Variants in PDGFRL observed in about 807,000 individuals in gnomAD.
PDGFRL encodes platelet-derived growth factor receptor-like protein.
Under a neutral mutation model 37.2 loss-of-function variants are expected in PDGFRL, and 46 were observed. That is an observed-to-expected ratio of 1.24 (90% CI 0.98 to 1.58). The LOEUF (loss-of-function observed/expected upper bound fraction) is 1.58, where lower values mean the gene tolerates loss of function less well. PDGFRL is among the 40% of genes most tolerant of loss of function. PDGFRL has a pLI of 0.00. For synonymous variants in PDGFRL, 251 were observed against 184.3 expected (o/e 1.36, Z -2.93); for missense variants, 692 against 467.6 (o/e 1.48, Z -4.43).
At chr8:17,634,301 G>A in intron 5 of PDGFRL, 88 bp downstream of exon 5, 1 of 1,020,972 alleles carries the variant, frequency 9.8e-7, no homozygotes, top group Non-Finnish European at 1.5e-6. Flanking sequence ...TCCCCACCCA[G>A]TGCTATATGC....
intron 2 of PDGFRL, among the ~76,000 whole-genome samples, chr8:17,602,431 G>C (rs1335842856): frequency 1.3e-5 from 2 of 152,160 alleles, no homozygotes; most frequent in South Asian, 2.1e-4. Context: ...TCAGATCACA[G>C]TACACTCTCG....
At chr8:17,578,015 G>A (rs1803624989) in intron 1 of PDGFRL, among the ~76,000 whole-genome samples, 1 of 151,678 alleles carries the variant, frequency 6.6e-6, no homozygotes, top group Non-Finnish European at 1.5e-5. Flanking sequence ...ACCCTGTCGT[G>A]TACACCCGTG....
At chr8:17,599,272 T>A (rs2517167) in intron 2 of PDGFRL, among the ~76,000 whole-genome samples, 119,337 of 152,092 alleles carry the variant, frequency 0.78, 47,337 homozygotes, top group East Asian at 0.89. Flanking sequence ...ATTTGCATAT[T>A]TGTTATCTTT....
chr8:17,604,470 C>G (rs1406864211), intron 2 of PDGFRL, among the ~76,000 whole-genome samples: 1 of 151,768 alleles, frequency 6.6e-6, no homozygotes, highest in African/African-American at 2.4e-5. Context: ...TCATTCTCAG[C>G]AAACTGTCGT....
At chr8:17,596,381 A>G (rs1804053129) in intron 2 of PDGFRL, 3 of 1,131,566 alleles carry the variant, frequency 2.7e-6, no homozygotes, top group East Asian at 6.0e-5. Context: ...CCTGCCTCCA[A>G]TACCACGTAC....
chr8:17,633,352 C>T (rs1804900787), intron 4 of PDGFRL, among the ~76,000 whole-genome samples: 1 of 152,096 alleles, frequency 6.6e-6, no homozygotes, highest in African/African-American at 2.4e-5. Flanking sequence ...CTCCAGGATG[C>T]AGGAGTTTGA....
chr8:17,587,464 A>C (rs1279720042), intron 1 of PDGFRL, among the ~76,000 whole-genome samples: 1 of 152,132 alleles, frequency 6.6e-6, no homozygotes, highest in Non-Finnish European at 1.5e-5. Flanking sequence ...CTTAATCCAG[A>C]GGTTCATTAA....
chr8:17,594,157 G>T (rs1234102802), intron 2 of PDGFRL, among the ~76,000 whole-genome samples: 2 of 151,776 alleles, frequency 1.3e-5, no homozygotes, highest in African/African-American at 4.8e-5. Flanking sequence ...CCCACAGCAT[G>T]ATGTCCTCAA....
intron 2 of PDGFRL, among the ~76,000 whole-genome samples, chr8:17,602,827 T>C (rs1296390595): frequency 6.6e-6 from 1 of 152,164 alleles, no homozygotes; most frequent in African/African-American, 2.4e-5. Flanking sequence ...CTATCACCAG[T>C]AAATGAAGAA....
chr8:17,576,896 C>G (rs555400933), upstream of PDGFRL: 1 of 285,736 alleles, frequency 3.5e-6, no homozygotes, highest in East Asian at 7.8e-5. Context: ...AAAAGTGACC[C>G]CATCAGCACC....
chr8:17,596,299 G>C, intron 2 of PDGFRL: 1 of 1,177,964 alleles, frequency 8.5e-7, no homozygotes. Context: ...CAGATCGGCT[G>C]CCAGGCTGCT....
chr8:17,587,701 C>G (rs933516521), intron 1 of PDGFRL, among the ~76,000 whole-genome samples: 3 of 150,044 alleles, frequency 2.0e-5, no homozygotes, highest in African/African-American at 7.4e-5. Flanking sequence ...GATCTCGGCT[C>G]ACTGTAACCT....
At chr8:17,613,694 G>A (rs746948650) in intron 2 of PDGFRL, among the ~76,000 whole-genome samples, 23 of 152,030 alleles carry the variant, frequency 1.5e-4, no homozygotes, top group East Asian at 1.4e-3. Flanking sequence ...CCTGGGCAAC[G>A]TAGGAAGCCC....
intron 3 of PDGFRL, among the ~76,000 whole-genome samples, chr8:17,627,643 T>A (rs920913015): frequency 4.9e-5 from 7 of 144,290 alleles, no homozygotes; most frequent in African/African-American, 1.1e-4. Context: ...CTAATTTTTT[T>A]TTTTTTATTT....
intron 1 of PDGFRL, among the ~76,000 whole-genome samples, chr8:17,577,976 G>T (rs199628597): frequency 6.6e-6 from 1 of 152,018 alleles, no homozygotes; most frequent in Non-Finnish European, 1.5e-5. Flanking sequence ...ACCGCTGCGC[G>T]TTTTTGAATG....
intron 3 of PDGFRL, among the ~76,000 whole-genome samples, chr8:17,624,781 G>A (rs190787093): frequency 2.0e-5 from 3 of 152,164 alleles, no homozygotes; most frequent in East Asian, 3.9e-4. Context: ...GGTGGCACAC[G>A]CCTGTAATTC....
At chr8:17,591,676 G>A in intron 2 of PDGFRL, among the ~76,000 whole-genome samples, 1 of 152,196 alleles carries the variant, frequency 6.6e-6, no homozygotes, top group East Asian at 1.9e-4. Flanking sequence ...AGCACTTTGG[G>A]AGGCCAAGGC....
At chr8:17,593,963 A>G (rs76399850) in intron 2 of PDGFRL, among the ~76,000 whole-genome samples, 1 of 152,072 alleles carries the variant, frequency 6.6e-6, no homozygotes, top group East Asian at 1.9e-4. Context: ...ACATGGTTGT[A>G]TAATAGACCT....
intron 5 of PDGFRL, among the ~76,000 whole-genome samples, chr8:17,636,313 G>C (rs1398208558): frequency 1.9e-5 from 1 of 52,976 alleles, no homozygotes; most frequent in Non-Finnish European, 8.2e-5. Flanking sequence ...TAAGGATTCA[G>C]TCTTATTCAT....
Sources: allele counts gnomAD v4.1 joint callset (sites outside exome capture counted in the v4.1 genomes callset), GRCh38; gene constraint gnomAD v4.1.1; transcripts MANE v1.5; gene names NCBI Gene and HGNC (gene_info 2026-07-23, HGNC 2026-07-21).